APOH: variants seen among roughly 807,000 people sequenced by gnomAD.
APOH encodes the protein apolipoprotein H, also known as beta-2-glycoprotein 1.
A neutral mutation model predicts 39.8 loss-of-function variants in APOH; 48 were observed. The ratio of observed to expected loss-of-function variants is 1.21; its 90% CI spans 0.96 to 1.54. The LOEUF (loss-of-function observed/expected upper bound fraction) is 1.54, where lower values mean the gene tolerates loss of function less well. Among genes scored for constraint, APOH ranks in the 40% most tolerant of loss-of-function variants. The pLI, the probability that APOH is intolerant of heterozygous loss-of-function variation, is 0.00. For missense variants in APOH, 415 were observed against 421.2 expected (o/e 0.99, Z 0.13); for synonymous variants, 153 against 151.1 (o/e 1.01, Z -0.09).
At chr17:66,220,820 A>T in intron 4 of APOH, 78 bp from the exon 5 acceptor site, 25 of 1,378,162 alleles carry the variant, frequency 1.8e-5, no homozygotes, top group Non-Finnish European at 2.4e-5. Context: ...AGAAAAAAAA[A>T]ACCCTAAGGA....
chr17:66,227,546 G>C (rs2073447326), intron 2 of APOH, among the ~76,000 whole-genome samples: 1 of 151,994 alleles, frequency 6.6e-6, no homozygotes, highest in African/African-American at 2.4e-5. Context: ...ATTTTAATTT[G>C]ACCTCTTTTC....
At position 66,228,178 on chromosome 17, in the gene APOH, T is replaced by C. The variant is rs1156403474; in HGVS notation, c.83A>G (p.Asp28Gly). Residue 28 changes from aspartate (D) to glycine (G), a missense_variant, in exon 2 of 8, where the codon GAT (aspartate) becomes GGT (glycine). This residue lies in a region of APOH where 288 missense variants were observed against 284.9 expected (regional missense o/e 1.01). Transcript: ENST00000205948. ...IAGRTCPKPDDLPFSTVVPLK... is the reference protein window; with the variant it reads ...IAGRTCPKPDGLPFSTVVPLK... ...CGGGACCACTGTGGAAAATGGTAAATCATCTGGCTTGGGACAGGCTGAAAG... is the reference window on the plus strand; with the variant it reads ...CGGGACCACTGTGGAAAATGGTAAACCATCTGGCTTGGGACAGGCTGAAAG... The C allele has an allele frequency of 3.1e-6, 5 of 1,613,914 alleles. No individual in the cohort carries two copies. The highest frequency in any genetic ancestry group is 4.2e-6 in the Non-Finnish European group (5 of 1,179,976).
chr17:66,225,985 T>C (rs1253816806), intron 3 of APOH, 43 bp downstream of exon 3: 5 of 1,388,650 alleles, frequency 3.6e-6, no homozygotes, highest in Non-Finnish European at 5.1e-6. Flanking sequence ...GATACAAAAA[T>C]GTGCTCAGTC....
At chr17:66,217,063 C>A in intron 5 of APOH, 96 bp from the exon 6 acceptor site, 1 of 1,036,750 alleles carries the variant, frequency 9.6e-7, no homozygotes, top group Non-Finnish European at 1.3e-6. Context: ...ACCACTGAAT[C>A]ACTGTGTGTT....
At chr17:66,224,864 C>A (rs1465463632) in intron 3 of APOH, among the ~76,000 whole-genome samples, 1 of 151,756 alleles carries the variant, frequency 6.6e-6, no homozygotes, top group Non-Finnish European at 1.5e-5. Flanking sequence ...GTCAGGAGTC[C>A]AAGACCAGCC....
Position 66,228,031 on chromosome 17 carries a change from A to G in APOH, c.230T>C (p.Leu77Pro), listed in dbSNP as rs1368050083. The G allele has an allele frequency of 4.3e-6, 7 of 1,613,556 alleles. No individual in the cohort carries two copies. The highest frequency in any genetic ancestry group is 5.9e-6 in the Non-Finnish European group (7 of 1,179,782). ...PLTGLWPINT[L>P]KCTPRVCPFA... The stretch of plus-strand genomic sequence containing the variant: ...AGGTACTGACTTACGTGTACATTTC[A>G]GAGTGTTGATGGGCCACAGTCCTGT... Residue 77 changes from leucine to proline, a missense_variant, in exon 2 of 8, where the codon CTG becomes CCG. By Grantham distance (98) the Leu-to-Pro change is moderately conservative. Coordinates refer to ENST00000205948, the MANE Select transcript of APOH (RefSeq NM_000042.3).
At chr17:66,221,125 G>A (rs1389839558) in intron 4 of APOH, among the ~76,000 whole-genome samples, 7 of 151,550 alleles carry the variant, frequency 4.6e-5, no homozygotes, top group South Asian at 2.1e-4. Flanking sequence ...CCTGGGAGGC[G>A]GAGGTTGCAG....
At chr17:66,221,214 G>A (rs1274297095) in intron 4 of APOH, among the ~76,000 whole-genome samples, 3 of 122,894 alleles carry the variant, frequency 2.4e-5, no homozygotes, top group African/African-American at 9.3e-5. Context: ...AAAGAAGGAA[G>A]GAAATAAATA....
intron 5 of APOH, among the ~76,000 whole-genome samples, chr17:66,217,640 C>T (rs777223327): frequency 5.3e-5 from 8 of 152,010 alleles, no homozygotes; most frequent in Non-Finnish European, 1.0e-4. Flanking sequence ...TTTGGTTCTA[C>T]CACACATTAA....
intron 1 of APOH, 130 bp from the exon 2 acceptor site, chr17:66,228,326 C>T (rs937334220): frequency 1.2e-6 from 1 of 857,026 alleles, no homozygotes; most frequent in African/African-American, 1.7e-5. Context: ...CCAAATACCT[C>T]ATATACACTA....
At position 66,212,080 on chromosome 17, in the gene APOH, C is replaced by A. The variant is rs2073339100; in HGVS notation, c.*53G>T. On this transcript the variant is annotated 3_prime_UTR_variant, in exon 8 of 8. Coordinates refer to ENST00000205948, the MANE Select transcript of APOH (RefSeq NM_000042.3). Reference sequence around the variant, plus strand: ...TTATTTTTAAATTTCAATTAGGTTCCTTGGATGAACAAGAAACAAGTGTGA... The same window carrying A: ...TTATTTTTAAATTTCAATTAGGTTCATTGGATGAACAAGAAACAAGTGTGA... The A allele has an allele frequency of 6.7e-7, 1 of 1,482,608 alleles. No individual in the cohort carries two copies. Among genetic ancestry groups the A allele is most frequent in the Non-Finnish European group, 9.4e-7 (1 of 1,062,264 alleles). The allele number at this position is 1,482,608 out of a possible 1,614,324, so 91.8% of individuals were successfully genotyped here. A position where few individuals can be genotyped will look rare whatever the true frequency, so the allele number is the denominator to read the frequency against.
intron 4 of APOH, 147 bp downstream of exon 4, chr17:66,223,551 A>G: frequency 1.4e-6 from 1 of 696,540 alleles, no homozygotes; most frequent in Non-Finnish European, 2.5e-6. Flanking sequence ...CATCTTCTAG[A>G]GCAAGATACC....
At chr17:66,222,354 G>A (rs913198385) in intron 4 of APOH, among the ~76,000 whole-genome samples, 16 of 151,400 alleles carry the variant, frequency 1.1e-4, no homozygotes, top group African/African-American at 3.9e-4. Context: ...ACTGCACTCC[G>A]GCCTGGGCAA....
At chr17:66,221,215 G>GAAATAAATAAATAAATAAAT in intron 4 of APOH, among the ~76,000 whole-genome samples, 3 of 130,262 alleles carry the variant, frequency 2.3e-5, no homozygotes, top group African/African-American at 8.6e-5. Context: ...AAGAAGGAAG[G>GAAATAAATAAATAAATAAAT]AAATAAATAA....
chr17:66,214,634 A>G lies in APOH; in HGVS notation c.801T>C (p.Pro267=). The change falls in exon 7 of 8, where the codon CCT becomes CCC. Residue 267 remains proline (P), a synonymous_variant. Transcript: ENST00000205948. ...GGTACACCACAGTGGCTTTTTTCACAGGTACTTTACAAGATGCTGAAAGAG... is the reference window on the plus strand; with the variant it reads ...GGTACACCACAGTGGCTTTTTTCACGGGTACTTTACAAGATGCTGAAAGAG... The part of the protein sequence containing the change: ...MPSCKASCKV[P]VKKATVVYQG... 1 of 1,612,784 alleles carries G rather than the reference A, an allele frequency of 6.2e-7. No homozygotes were observed. Among genetic ancestry groups the G allele is most frequent in the East Asian group, 2.2e-5 (1 of 44,842 alleles).
intron 3 of APOH, among the ~76,000 whole-genome samples, chr17:66,225,170 G>A (rs1198193339): frequency 6.6e-6 from 1 of 152,136 alleles, no homozygotes; most frequent in Non-Finnish European, 1.5e-5. Context: ...CAGATGAAAG[G>A]TGTGTATTTC....
chr17:66,225,393 C>T (rs1238929757), intron 3 of APOH, among the ~76,000 whole-genome samples: 1 of 152,184 alleles, frequency 6.6e-6, no homozygotes, highest in Non-Finnish European at 1.5e-5. Context: ...GCATTCTCCA[C>T]TGTCACACTC....
Position 66,214,613 on chromosome 17 carries a change from C to T in APOH, c.822G>A (p.Val274=), listed in dbSNP as rs746949608. ...CKVPVKKATV[V]YQGERVKIQE... ...GAATCTTTACTCTCTCTCCTTGGTACACCACAGTGGCTTTTTTCACAGGTA... is the reference window on the plus strand; with the variant it reads ...GAATCTTTACTCTCTCTCCTTGGTATACCACAGTGGCTTTTTTCACAGGTA... The change falls in exon 7 of 8, where the codon GTG becomes GTA. Residue 274 remains valine, a synonymous_variant. Transcript: ENST00000205948. The T allele has an allele frequency of 5.0e-6, 8 of 1,613,858 alleles. No homozygotes were observed. The South Asian group carries it at 6.6e-5, about 13-fold the overall frequency.
In APOH at chr17:66,229,366, A is replaced by G. The variant is rs3826358; in HGVS notation, c.14T>C (p.Val5Ala). MISP[V>A]LILFSSFLCH... ...GAGAAAACTCGAGAACAAGATGAGC[A>G]CTGGAGAAATCATTGTGGATGAGTC... The change falls in exon 1 of 8, where the codon GTG becomes GCG. Residue 5 changes from valine (V) to alanine (A), a missense_variant. This residue lies in a region of APOH where 288 missense variants were observed against 284.9 expected (regional missense o/e 1.01). Transcript: ENST00000205948. The G allele has an allele frequency of 2.3e-3, 3,696 of 1,613,820 alleles. 43 individuals are homozygous for G. The highest frequency in any genetic ancestry group is 0.022 in the East Asian group (996 of 44,864).
Sources: gnomAD v4.1 joint callset for allele counts (sites outside exome capture counted in the v4.1 genomes callset) on GRCh38, gnomAD v4.1.1 for gene constraint, gnomAD v4.1.1 regional missense constraint, MANE v1.5 for transcripts, NCBI Gene and HGNC (gene_info 2026-07-23, HGNC 2026-07-21) for gene names.